The following STK36 variants were observed in gnomAD, a reference collection of about 807,000 sequenced individuals.
STK36 encodes the protein serine/threonine-protein kinase 36.
A neutral mutation model predicts 142.2 loss-of-function variants in STK36; 116 were observed. That is an observed-to-expected ratio of 0.82 (90% CI 0.70 to 0.95). The LOEUF (loss-of-function observed/expected upper bound fraction) is 0.95, where lower values mean the gene tolerates loss of function less well. Among genes scored for constraint, STK36 ranks in the 40% least tolerant of loss-of-function variants. The pLI is 0.00. For synonymous variants in STK36, 619 were observed against 641.7 expected (o/e 0.96, Z 0.53); for missense variants, 1,422 against 1,617.2 (o/e 0.88, Z 2.07).
chr2:218,692,843 C>A, intron 16 of STK36, 133 bp downstream of exon 16: 1 of 1,236,504 alleles, frequency 8.1e-7, no homozygotes, highest in Non-Finnish European at 1.1e-6. Flanking sequence ...CAGATGCTCC[C>A]ACCCTGGGCC....
At chr2:218,696,687 G>T in intron 22 of STK36, 86 bp downstream of exon 22, 1 of 1,348,632 alleles carries the variant, frequency 7.4e-7, no homozygotes. Context: ...GAATGAAGAA[G>T]CAACCCACAG....
At chr2:218,683,978 T>TTA (rs1217597783) in intron 10 of STK36, among the ~76,000 whole-genome samples, 1 of 150,628 alleles carries the variant, frequency 6.6e-6, no homozygotes, top group African/African-American at 2.5e-5. Flanking sequence ...TTTTTTTTTT[T>TTA]TAAAGAGACA....
chr2:218,677,825 C>T (rs569899452), intron 6 of STK36, among the ~76,000 whole-genome samples: 1 of 152,176 alleles, frequency 6.6e-6, no homozygotes, highest in African/African-American at 2.4e-5. Context: ...GAGTCTTACT[C>T]TGTCACCCAG....
chr2:218,701,400 A>C (rs1484564416), intron 26 of STK36, among the ~76,000 whole-genome samples: 2 of 151,734 alleles, frequency 1.3e-5, no homozygotes, highest in East Asian at 1.9e-4. Flanking sequence ...TTGGCCTCCC[A>C]AAGTACGGGA....
Position 218,672,153 on chromosome 2 carries a change from C to T in STK36, c.-152C>T, listed in dbSNP as rs1940007764. The T allele has an allele frequency of 6.1e-6, 4 of 652,356 alleles. No individual in the cohort carries two copies. The highest frequency in any genetic ancestry group is 5.3e-5 in the Admixed American group (2 of 37,442). The allele number at this position is 652,356 out of a possible 1,614,324, so 40.4% of individuals were successfully genotyped here. Reference sequence around the variant, plus strand: ...GAAGTGCCCATGTGTGGTCCGCCGTCCATTCCACACCTCTGAGCGCCTTTG... The same window carrying T: ...GAAGTGCCCATGTGTGGTCCGCCGTTCATTCCACACCTCTGAGCGCCTTTG... On this transcript the variant is annotated 5_prime_UTR_variant, in exon 1 of 27. Coordinates refer to ENST00000295709, the MANE Select transcript of STK36 (RefSeq NM_015690.5).
At chr2:218,677,405 A>C (rs76747989) in intron 6 of STK36, among the ~76,000 whole-genome samples, 1,792 of 152,322 alleles carry the variant, frequency 0.012, 45 homozygotes, top group African/African-American at 0.041. Context: ...TCCAAACCAT[A>C]TCAATGCCAG....
intron 10 of STK36, among the ~76,000 whole-genome samples, chr2:218,683,647 C>G: frequency 6.6e-6 from 1 of 152,100 alleles, no homozygotes; most frequent in East Asian, 1.9e-4. Context: ...AGGTTAGTTA[C>G]ATATGTATAC....
Position 218,673,716 on chromosome 2 carries a change from G to A in STK36, c.176G>A (p.Arg59Gln), listed in dbSNP as rs374611897. The change falls in exon 3 of 27, where the codon CGG (arginine) becomes CAG (glutamine). Residue 59 changes from arginine (R) to glutamine (Q), a missense_variant. Arg to Gln is a conservative substitution (Grantham distance 43, BLOSUM62 1). This residue lies in a region of STK36 where 460 missense variants were observed against 449.6 expected (regional missense o/e 1.02). Coordinates refer to ENST00000295709, the MANE Select transcript of STK36 (RefSeq NM_015690.5). ...QREIEIMRGL[R>Q]HPNIVHMLDS... ...GAGATTGAAATAATGCGGGGTCTGC[G>A]GCATCCCAACATTGTGCATATGCTT... 19 of 1,614,012 alleles carry A rather than the reference G, an allele frequency of 1.2e-5. No individual in the cohort carries two copies. Among genetic ancestry groups the A allele is most frequent in the South Asian group, 4.4e-5 (4 of 91,074 alleles).
chr2:218,694,656 C>G lies in STK36; in HGVS notation c.2511+21C>G, dbSNP rs757713659. 1.2e-6 allele frequency: 2 copies of G among 1,601,394 alleles called. No homozygotes were observed. Among genetic ancestry groups the G allele is most frequent in the East Asian group, 4.5e-5 (2 of 44,814 alleles). On this transcript the variant is annotated intron_variant, in intron 21 of 26. Coordinates refer to ENST00000295709, the MANE Select transcript of STK36 (RefSeq NM_015690.5). The surrounding 1 kb of genome is among the most constrained non-coding windows in gnomAD (Gnocchi z 4.4). The stretch of plus-strand genomic sequence containing the variant: ...CAGAGGTGAGGCCCCCCAGGGAGGG[C>G]ACAGACATGTTTTCTCTGAGTCAGA...
In STK36 at chr2:218,694,689, A is replaced by G; in HGVS notation, c.2511+54A>G. ...TGTTTTCTCTGAGTCAGACACTAGG[A>G]CTGCATTCAAGGGGAAAAGACTGAA... On this transcript the variant is annotated intron_variant, in intron 21 of 26. Transcript: ENST00000295709. The surrounding 1 kb of genome is among the most constrained non-coding windows in gnomAD (Gnocchi z 4.4). 1 of 1,475,058 alleles carries G rather than the reference A, an allele frequency of 6.8e-7. No individual in the cohort carries two copies. The highest frequency in any genetic ancestry group is 1.4e-5 in the African/African-American group (1 of 72,388). The allele number at this position is 1,475,058 out of a possible 1,614,324, so 91.4% of individuals were successfully genotyped here. A position where few individuals can be genotyped will look rare whatever the true frequency, so the allele number is the denominator to read the frequency against.
chr2:218,688,696 G>T lies in STK36; in HGVS notation c.1381-1G>T. 6.2e-7 allele frequency: 1 copy of T among 1,611,542 alleles called. No homozygotes were observed. The highest frequency in any genetic ancestry group is 1.3e-5 in the African/African-American group (1 of 74,816). On this transcript the variant is annotated splice_acceptor_variant, in intron 11 of 26. Coordinates refer to ENST00000295709, the MANE Select transcript of STK36 (RefSeq NM_015690.5). LOFTEE classifies it high-confidence loss of function. Reference sequence around the variant, plus strand: ...TTGCCTCTTTCCCTCATGTCACCCAGATCCTGAAAGGCATCTTGGAGGGTG... The same window carrying T: ...TTGCCTCTTTCCCTCATGTCACCCATATCCTGAAAGGCATCTTGGAGGGTG...
chr2:218,682,300 T>C (rs901379753), intron 10 of STK36, among the ~76,000 whole-genome samples: 1 of 152,182 alleles, frequency 6.6e-6, no homozygotes, highest in African/African-American at 2.4e-5. Context: ...CCTCTCTCTC[T>C]CTCTCCCCCT....
Position 218,694,274 on chromosome 2 carries a change from C to G in STK36, c.2347C>G (p.Leu783Val), listed in dbSNP as rs142440976. ...ATCTCTTTATTCCAGAATGGAGAAG[C>G]TAGGCAGTGACGTTGCTACTCTCTT... Reference protein sequence around the residue: ...LQNLPCGMEKLGSDVATLFTH... With the variant: ...LQNLPCGMEKVGSDVATLFTH... The change falls in exon 20 of 27, where the codon CTA (leucine) becomes GTA (valine). Residue 783 changes from leucine to valine, a missense_variant. Physicochemically the swap from Leu to Val is conservative, Grantham distance 32 (BLOSUM62 1). Coordinates refer to ENST00000295709, the MANE Select transcript of STK36 (RefSeq NM_015690.5). The surrounding 1 kb of genome is among the most constrained non-coding windows in gnomAD (Gnocchi z 4.4). 4.3e-6 allele frequency: 7 copies of G among 1,613,792 alleles called. No homozygotes were observed. The African/African-American group carries it at 9.3e-5, about 22-fold the overall frequency.
chr2:218,692,585 G>A lies in STK36; in HGVS notation c.1918G>A (p.Ala640Thr). Residue 640 changes from alanine to threonine, a missense_variant and splice_region_variant, in exon 16 of 27, where the codon GCC (alanine) becomes ACC (threonine). This residue lies in a region of STK36 where 962 missense variants were observed against 1,167.5 expected (regional missense o/e 0.82). Transcript: ENST00000295709. ...PQLPVHTPQG[A>T]PQVSQPLREQ... ...TTACTCTTTGCTTTTCTCCACAGGAGCCCCGCAAGTGAGCCAGCCACTGCG... is the reference window on the plus strand; with the variant it reads ...TTACTCTTTGCTTTTCTCCACAGGAACCCCGCAAGTGAGCCAGCCACTGCG... The A allele has an allele frequency of 6.2e-7, 1 of 1,611,000 alleles. No homozygotes were observed. The highest frequency in any genetic ancestry group is 8.5e-7 in the Non-Finnish European group (1 of 1,179,308).
At chr2:218,683,769 GTTCCCCTTCCTGTGTCCA>G (rs1448433664) in intron 10 of STK36, among the ~76,000 whole-genome samples, 2 of 151,560 alleles carry the variant, frequency 1.3e-5, no homozygotes, top group East Asian at 3.9e-4. Context: ...AGAGTGTGAT[GTTCCCCTTCCTGTGTCCA>G]TGTGTTCTCA....
chr2:218,697,824 A>AC, intron 24 of STK36, 30 bp from the exon 25 acceptor site: 1 of 1,614,108 alleles, frequency 6.2e-7, no homozygotes, highest in Non-Finnish European at 8.5e-7. Context: ...AGTGAACAAG[A>AC]CCAAGTCTCT....
At chr2:218,692,350 C>T (rs963654885) in intron 15 of STK36, 57 bp downstream of exon 15, 2 of 1,602,430 alleles carry the variant, frequency 1.2e-6, no homozygotes, top group African/African-American at 2.7e-5. Context: ...AGGTCAGGCT[C>T]CGCTCTTTCT....
chr2:218,692,090 C>T, intron 14 of STK36, 53 bp from the exon 15 acceptor site: 1 of 1,570,878 alleles, frequency 6.4e-7, no homozygotes. Flanking sequence ...GTTTTTTACA[C>T]TAAGCCCAGT....
chr2:218,690,441 C>G lies in STK36; in HGVS notation c.1659-9C>G. ...GATAAGAAATCATGGGCTCATTTTC[C>G]ACCCCCAGCCTGCAGGTGTTTCAGG... On this transcript the variant is annotated splice_polypyrimidine_tract_variant and intron_variant, in intron 13 of 26. Coordinates refer to ENST00000295709, the MANE Select transcript of STK36 (RefSeq NM_015690.5). 1 of 1,612,870 alleles carries G rather than the reference C, an allele frequency of 6.2e-7. No homozygotes were observed. The highest frequency in any genetic ancestry group is 1.7e-5 in the Admixed American group (1 of 59,988).
Sources: allele counts gnomAD v4.1 joint callset (sites outside exome capture counted in the v4.1 genomes callset), GRCh38; gene constraint gnomAD v4.1.1; regional missense constraint gnomAD v4.1.1; non-coding constraint Gnocchi (gnomAD v3.1); transcripts MANE v1.5; gene names NCBI Gene and HGNC (gene_info 2026-07-23, HGNC 2026-07-21).